Variants in ANKRD17 observed in about 807,000 individuals in gnomAD.
The protein encoded by ANKRD17 is ankyrin repeat domain-containing protein 17.
A neutral mutation model predicts 229.7 loss-of-function variants in ANKRD17; 19 were observed. That is an observed-to-expected ratio of 0.08 (90% confidence interval 0.06 to 0.12). The LOEUF (loss-of-function observed/expected upper bound fraction) is 0.12. Among genes scored for constraint, ANKRD17 ranks in the 10% least tolerant of loss-of-function variants. The pLI is 1.00. For missense variants in ANKRD17, 2,176 were observed against 3,176.8 expected (o/e 0.68, Z 7.57); for synonymous variants, 1,112 against 1,146.1 (o/e 0.97, Z 0.60).
chr4:73,104,583 T>A (rs1724387665), intron 24 of ANKRD17, among the ~76,000 whole-genome samples: 1 of 152,172 alleles, frequency 6.6e-6, no homozygotes, highest in Admixed American at 6.5e-5. Context: ...TTTATCTGTA[T>A]CGTATCTGTA....
chr4:73,163,600 C>A (rs1732825361), intron 2 of ANKRD17, among the ~76,000 whole-genome samples: 1 of 152,146 alleles, frequency 6.6e-6, no homozygotes, highest in Non-Finnish European at 1.5e-5. Flanking sequence ...AATAATATCA[C>A]ATAAGTTTCA....
At chr4:73,154,715 A>T (rs1208883961) in intron 5 of ANKRD17, among the ~76,000 whole-genome samples, 1 of 152,180 alleles carries the variant, frequency 6.6e-6, no homozygotes, top group Non-Finnish European at 1.5e-5. Context: ...AATTTCTAAA[A>T]ATCCCTTCAA....
intron 1 of ANKRD17, among the ~76,000 whole-genome samples, chr4:73,180,670 C>T (rs1735428546): frequency 6.6e-6 from 1 of 152,080 alleles, no homozygotes; most frequent in African/African-American, 2.4e-5. Flanking sequence ...GAGGGGCTAT[C>T]AAAATGACAG....
At chr4:73,079,857 G>C (rs1171679714) in intron 30 of ANKRD17, among the ~76,000 whole-genome samples, 1 of 152,170 alleles carries the variant, frequency 6.6e-6, no homozygotes, top group Non-Finnish European at 1.5e-5. Context: ...GCACACACCT[G>C]TAATCACAGC....
intron 25 of ANKRD17, chr4:73,099,137 G>A (rs757391254): frequency 1.6e-5 from 11 of 709,276 alleles, no homozygotes; most frequent in Non-Finnish European, 2.3e-5. Context: ...CTCAGAGGAG[G>A]AGCAGTGACC....
At chr4:73,089,368 T>A (rs1722536922) in intron 29 of ANKRD17, among the ~76,000 whole-genome samples, 2 of 151,504 alleles carry the variant, frequency 1.3e-5, no homozygotes, top group Admixed American at 1.3e-4. Flanking sequence ...TTTTTAAACA[T>A]TTAAGAAATG....
intron 2 of ANKRD17, among the ~76,000 whole-genome samples, chr4:73,162,435 T>A (rs1269139932): frequency 3.3e-5 from 5 of 152,020 alleles, no homozygotes; most frequent in African/African-American, 1.2e-4. Context: ...TCTCAAGTGA[T>A]CCTCCCACTT....
intron 1 of ANKRD17, among the ~76,000 whole-genome samples, chr4:73,181,978 G>A (rs1376715446): frequency 1.4e-5 from 2 of 144,852 alleles, no homozygotes; most frequent in Non-Finnish European, 3.0e-5. Flanking sequence ...AACCCGGGAG[G>A]TGAAGGTTGC....
intron 1 of ANKRD17, among the ~76,000 whole-genome samples, chr4:73,216,591 T>C (rs1461732749): frequency 6.6e-6 from 1 of 152,244 alleles, no homozygotes; most frequent in African/African-American, 2.4e-5. Context: ...GATTACTTCA[T>C]TTATTCCTTA....
At chr4:73,084,344 A>G (rs1176616309) in intron 30 of ANKRD17, among the ~76,000 whole-genome samples, 1 of 152,206 alleles carries the variant, frequency 6.6e-6, no homozygotes, top group East Asian at 1.9e-4. Flanking sequence ...TCCATTTCAA[A>G]TAAAAAAAAG....
chr4:73,107,356 T>C (rs1283169178), intron 24 of ANKRD17, among the ~76,000 whole-genome samples: 1 of 152,242 alleles, frequency 6.6e-6, no homozygotes, highest in African/African-American at 2.4e-5. Context: ...ACAAAAATTT[T>C]CTGGTAACTT....
chr4:73,123,958 T>C (rs1727096126), intron 18 of ANKRD17, among the ~76,000 whole-genome samples: 1 of 151,870 alleles, frequency 6.6e-6, no homozygotes, highest in Non-Finnish European at 1.5e-5. Flanking sequence ...AAGGTATTCT[T>C]AGGCTAACAA....
At chr4:73,087,684 T>C (rs1209696254) in intron 29 of ANKRD17, among the ~76,000 whole-genome samples, 1 of 152,156 alleles carries the variant, frequency 6.6e-6, no homozygotes, top group East Asian at 1.9e-4. Flanking sequence ...CATTTTATGT[T>C]GGGTGTTATT....
chr4:73,074,741 G>A lies in ANKRD17; in HGVS notation c.*1490C>T, dbSNP rs1362791096. On this transcript the variant is annotated 3_prime_UTR_variant, in exon 34 of 34. Transcript: ENST00000358602. ...TAGTTAGTTTTTATGTTTTACCAGT[G>A]TGAAATTTTATGTCTAATTAAAAAA... The A allele has an allele frequency of 6.6e-6, 1 of 152,012 alleles. No individual in the cohort carries two copies. The highest frequency in any genetic ancestry group is 1.5e-5 in the Non-Finnish European group (1 of 67,808). The allele number at this position is 152,012 out of a possible 1,614,324, so 9.4% of individuals were successfully genotyped here. A position where few individuals can be genotyped will look rare whatever the true frequency, so the allele number is the denominator to read the frequency against.
Position 73,135,223 on chromosome 4 carries a change from T to C in ANKRD17, c.3128A>G (p.His1043Arg). 1 of 1,613,540 alleles carries C rather than the reference T, an allele frequency of 6.2e-7. No individual in the cohort carries two copies. Among genetic ancestry groups the C allele is most frequent in the Non-Finnish European group, 8.5e-7 (1 of 1,179,664 alleles). ...TTGGGAAATGGATGCAGCAATACTG[T>C]GGGTAGGAGTGTTTGACATTGCAGA... ...RASAMSNTPT[H>R]SIAASISQPQ... The change falls in exon 16 of 34, where the codon CAC (histidine) becomes CGC (arginine). Residue 1043 changes from histidine (H) to arginine (R), a missense_variant. By Grantham distance (29) the His-to-Arg change is conservative. This residue lies in a region of ANKRD17 where 230 missense variants were observed against 252.3 expected (regional missense o/e 0.91). Transcript: ENST00000358602.
At chr4:73,186,837 C>T (rs1490141995) in intron 1 of ANKRD17, among the ~76,000 whole-genome samples, 1 of 152,116 alleles carries the variant, frequency 6.6e-6, no homozygotes, top group East Asian at 1.9e-4. Context: ...CCCAAAATTA[C>T]TTATCAATAG....
At chr4:73,221,902 G>T (rs1275895470) in intron 1 of ANKRD17, among the ~76,000 whole-genome samples, 1 of 152,072 alleles carries the variant, frequency 6.6e-6, no homozygotes, top group Non-Finnish European at 1.5e-5. Context: ...CACACTGAGG[G>T]ACTCCAGAAA....
intron 3 of ANKRD17, among the ~76,000 whole-genome samples, chr4:73,158,152 A>AAG (rs1553925348): frequency 2.6e-4 from 33 of 128,798 alleles, no homozygotes; most frequent in Middle Eastern, 3.9e-3. Flanking sequence ...GAAAGGAAGA[A>AAG]AAAGAAAGAA....
In ANKRD17 at chr4:73,217,941, A is replaced by T. The variant is rs184199492; in HGVS notation, c.393+40335T>A. Among the ~76,000 whole-genome samples, 264 of 152,330 alleles carry T rather than the reference A, an allele frequency of 1.7e-3. 1 individual carries two copies. The highest frequency in any genetic ancestry group is 6.1e-3 in the African/African-American group (252 of 41,578). On this transcript the variant is annotated intron_variant, in intron 1 of 33. Transcript: ENST00000358602. ...ACACTTCTGGTCCCAAACATTTTAGATAAGAAATATTCCACCTAAAGCAGA... is the reference window on the plus strand; with the variant it reads ...ACACTTCTGGTCCCAAACATTTTAGTTAAGAAATATTCCACCTAAAGCAGA...
Sources: allele counts gnomAD v4.1 joint callset (sites outside exome capture counted in the v4.1 genomes callset), GRCh38; gene constraint gnomAD v4.1.1; regional missense constraint gnomAD v4.1.1; transcripts MANE v1.5; gene names NCBI Gene and HGNC (gene_info 2026-07-23, HGNC 2026-07-21).